Variants in ZNF589 observed in about 807,000 individuals in gnomAD.
ZNF589 encodes zinc finger protein 589.
In ZNF589, 17 loss-of-function variants were observed where a neutral mutation model predicts 13.6. The ratio of observed to expected loss-of-function variants is 1.25; its 90% CI spans 0.86 to 1.88. The LOEUF (loss-of-function observed/expected upper bound fraction) is 1.88. Ranked by LOEUF, ZNF589 falls within the 40% of genes most tolerant of loss-of-function variation. The pLI, the probability that ZNF589 is intolerant of heterozygous loss-of-function variation, is 0.00. For missense variants in ZNF589, 407 were observed against 434.0 expected (o/e 0.94, Z 0.55); for synonymous variants, 148 against 161.6 (o/e 0.92, Z 0.64).
At chr3:48,267,510 TC>T (rs1266647543) in intron 3 of ZNF589, among the ~76,000 whole-genome samples, 1 of 151,936 alleles carries the variant, frequency 6.6e-6, no homozygotes, top group African/African-American at 2.4e-5. Context: ...GATTCTCCTG[TC>T]TCAGCCTCCC....
chr3:48,251,759 G>C (rs1025786483), intron 2 of ZNF589, among the ~76,000 whole-genome samples: 5 of 151,866 alleles, frequency 3.3e-5, no homozygotes, highest in Non-Finnish European at 5.9e-5. Context: ...AATCAATTGT[G>C]GGGCCAGGCA....
intron 3 of ZNF589, among the ~76,000 whole-genome samples, chr3:48,267,597 A>G (rs1476100058): frequency 2.0e-5 from 3 of 152,100 alleles, no homozygotes; most frequent in African/African-American, 7.2e-5. Flanking sequence ...GGGTTTCACC[A>G]TGTTGGGCAG....
At chr3:48,260,743 A>C (rs1241248715) in intron 2 of ZNF589, 70 bp from the exon 3 acceptor site, 3 of 1,606,354 alleles carry the variant, frequency 1.9e-6, no homozygotes, top group Non-Finnish European at 2.6e-6. Flanking sequence ...ATGCTCCAAG[A>C]CCACCAGTTC....
chr3:48,253,605 T>C (rs997272047), intron 2 of ZNF589, among the ~76,000 whole-genome samples: 8 of 151,332 alleles, frequency 5.3e-5, no homozygotes, highest in Non-Finnish European at 8.8e-5. Context: ...GTCCACGCCA[T>C]TCTCCTGTCT....
chr3:48,263,937 T>C (rs1307736783), intron 3 of ZNF589, among the ~76,000 whole-genome samples: 1 of 152,246 alleles, frequency 6.6e-6, no homozygotes, highest in Admixed American at 6.5e-5. Flanking sequence ...TTGGCTCCTA[T>C]CACTCATTTA....
chr3:48,242,325 C>T (rs905789821), intron 1 of ZNF589, among the ~76,000 whole-genome samples: 14 of 151,622 alleles, frequency 9.2e-5, no homozygotes, highest in African/African-American at 3.2e-4. Context: ...TTGGCCAGGC[C>T]GGTCTTGAAC....
intron 2 of ZNF589, among the ~76,000 whole-genome samples, chr3:48,249,147 G>A (rs1033876370): frequency 4.0e-5 from 6 of 150,344 alleles, no homozygotes; most frequent in Admixed American, 2.0e-4. Context: ...TTGTCGCCCA[G>A]GCTGGAGTGC....
intron 2 of ZNF589, chr3:48,256,377 G>C: frequency 2.0e-5 from 11 of 558,034 alleles, no homozygotes; most frequent in South Asian, 1.4e-4. Flanking sequence ...GTGTCCTTGA[G>C]TAGCAGACAT....
intron 3 of ZNF589, among the ~76,000 whole-genome samples, chr3:48,267,121 G>C (rs2034026888): frequency 6.6e-6 from 1 of 152,236 alleles, no homozygotes; most frequent in African/African-American, 2.4e-5. Flanking sequence ...AGTTCTACCA[G>C]AAGTGAGGAT....
At chr3:48,257,858 G>A in intron 2 of ZNF589, 1 of 391,286 alleles carries the variant, frequency 2.6e-6, no homozygotes, top group Non-Finnish European at 4.9e-6. Context: ...ATCCACTTTG[G>A]GGTATTTGTG....
At chr3:48,256,392 C>T in intron 2 of ZNF589, 1 of 563,914 alleles carries the variant, frequency 1.8e-6, no homozygotes, top group South Asian at 1.4e-5. Flanking sequence ...AGACATTGTC[C>T]CTCAGGAGGG....
At chr3:48,241,787 C>T (rs961284291) in intron 1 of ZNF589, among the ~76,000 whole-genome samples, 12 of 152,046 alleles carry the variant, frequency 7.9e-5, no homozygotes, top group Admixed American at 2.6e-4. Context: ...ACCTCGGCCT[C>T]CCAAAGTGCT....
chr3:48,268,525 C>T lies in ZNF589; in HGVS notation c.834C>T (p.Cys278=), dbSNP rs374895625. 17 of 1,613,722 alleles carry T rather than the reference C, an allele frequency of 1.1e-5. No homozygotes were observed. Among genetic ancestry groups the T allele is most frequent in the Middle Eastern group, 1.6e-4 (1 of 6,084 alleles). The change falls in exon 4 of 4, where the codon TGC becomes TGT. Residue 278 remains cysteine (C), a synonymous_variant. Transcript: ENST00000354698. ...RTHTGEKPYV[C]GECGRGFIVE... ...ACACAGGAGAAAAGCCTTATGTCTG[C>T]GGAGAGTGTGGGCGAGGCTTTATAG...
At chr3:48,267,872 G>C in intron 3 of ZNF589, 43 bp from the exon 4 acceptor site, 1 of 1,544,876 alleles carries the variant, frequency 6.5e-7, no homozygotes, top group South Asian at 1.2e-5. Context: ...AGCCCAGTCA[G>C]CCCTTCCTAT....
chr3:48,241,334 A>G, intron 1 of ZNF589, 120 bp downstream of exon 1: 1 of 1,279,574 alleles, frequency 7.8e-7, no homozygotes, highest in Non-Finnish European at 1.1e-6. Flanking sequence ...GGCGCTGACT[A>G]CCCCTACAGC....
intron 1 of ZNF589, among the ~76,000 whole-genome samples, chr3:48,245,442 T>C (rs2033751424): frequency 6.6e-6 from 1 of 151,964 alleles, no homozygotes; most frequent in South Asian, 2.1e-4. Context: ...TATAAACACA[T>C]ATGCCTGGAA....
intron 3 of ZNF589, among the ~76,000 whole-genome samples, chr3:48,263,347 T>A (rs2033986235): frequency 6.6e-6 from 1 of 152,222 alleles, no homozygotes; most frequent in African/African-American, 2.4e-5. Context: ...TGACCTCAGA[T>A]GATCCGCCTG....
chr3:48,262,162 T>C (rs1169187067), intron 3 of ZNF589, among the ~76,000 whole-genome samples: 2 of 152,184 alleles, frequency 1.3e-5, no homozygotes, highest in African/African-American at 4.8e-5. Flanking sequence ...TATATCACAG[T>C]GCAACTCCAA....
chr3:48,245,771 AC>A lies in ZNF589; in HGVS notation c.44-1851del, dbSNP rs910524075. ...AGACCAGCCTGGCCAACATGGTGAA[AC>A]CCTGTCTCTACCAAAAATACGAAAA... On this transcript the variant is annotated intron_variant, in intron 1 of 3. Transcript: ENST00000354698. Among the ~76,000 whole-genome samples, 10 of 152,126 alleles carry A rather than the reference AC, an allele frequency of 6.6e-5. 1 individual carries two copies. The Middle Eastern group carries it at 0.01, about 155-fold the overall frequency.
Sources: allele counts gnomAD v4.1 joint callset (sites outside exome capture counted in the v4.1 genomes callset), GRCh38; gene constraint gnomAD v4.1.1; transcripts MANE v1.5; gene names NCBI Gene and HGNC (gene_info 2026-07-23, HGNC 2026-07-21).